Variants in MEOX2 observed in about 807,000 individuals in gnomAD.
The protein encoded by MEOX2 is homeobox protein MOX-2.
A neutral mutation model predicts 27.0 loss-of-function variants in MEOX2; 11 were observed. The ratio of observed to expected loss-of-function variants is 0.41; its 90% confidence interval spans 0.26 to 0.68. MEOX2 has a LOEUF of 0.68. MEOX2 is among the 30% of genes least tolerant of loss of function. MEOX2 has a pLI of 0.33. For synonymous variants in MEOX2, 189 were observed against 155.4 expected (o/e 1.22, Z -1.61); for missense variants, 436 against 385.4 (o/e 1.13, Z -1.10).
rs567533228 is a variant in MEOX2 at position 15,619,598 on chromosome 7, A to G, written c.691-6987T>C. Among the ~76,000 whole-genome samples, 5 of 152,066 alleles carry G rather than the reference A, an allele frequency of 3.3e-5. No homozygotes were observed. In the South Asian group the frequency reaches 6.2e-4, roughly 19 times the overall value. On this transcript the variant is annotated intron_variant, in intron 2 of 2. Transcript: ENST00000262041. ...GCTCATTTTATTTGTGTGTGTGTGT[A>G]TATATACACATATGCAAACACATAC...
intron 2 of MEOX2, among the ~76,000 whole-genome samples, chr7:15,625,344 G>A (rs1232552048): frequency 6.6e-6 from 1 of 152,156 alleles, no homozygotes; most frequent in Non-Finnish European, 1.5e-5. Context: ...AATTTTGTAT[G>A]TGAAGTCTAA....
In MEOX2 at chr7:15,686,179, TG is replaced by T. The variant is rs1554297487; in HGVS notation, c.223del (p.His75ThrfsTer141). 1.3e-6 allele frequency: 2 copies of T among 1,513,360 alleles called. No individual in the cohort carries two copies. Among genetic ancestry groups the T allele is most frequent in the East Asian group, 2.5e-5 (1 of 40,246 alleles). The allele number at this position is 1,513,360 out of a possible 1,614,324, so 93.7% of individuals were successfully genotyped here. On this transcript the variant is annotated frameshift_variant, in exon 1 of 3. Transcript: ENST00000262041. LOFTEE classifies it high-confidence loss of function. ...CTGCTGCTGATGGTGGTGATGGTGG[TG>T]GTGGTGGTGGTGGTGGTGGTGCCCC... is the stretch of plus-strand genomic sequence containing the variant. Reference protein sequence around the residue: ...HRGHHHHHHHHHHHHHQQQQH... With the variant: ...HRGHHHHHHHXHHHHHQQQQH...
At chr7:15,636,606 G>A (rs547615495) in intron 1 of MEOX2, among the ~76,000 whole-genome samples, 1 of 152,090 alleles carries the variant, frequency 6.6e-6, no homozygotes, top group Admixed American at 6.6e-5. Flanking sequence ...CAATTAGAGA[G>A]CATCTGAATC....
At chr7:15,667,102 C>A (rs555334894) in intron 1 of MEOX2, among the ~76,000 whole-genome samples, 1 of 150,546 alleles carries the variant, frequency 6.6e-6, no homozygotes, top group Non-Finnish European at 1.5e-5. Context: ...CCATCCTGGC[C>A]AACAGGGTGA....
chr7:15,628,151 TG>T (rs755767771), intron 1 of MEOX2, among the ~76,000 whole-genome samples: 42 of 152,204 alleles, frequency 2.8e-4, no homozygotes, highest in Middle Eastern at 3.4e-3. Context: ...TTTTAGATTA[TG>T]TTTTTTTTCA....
chr7:15,680,621 A>G (rs886248043), intron 1 of MEOX2: 2 of 151,892 alleles, frequency 1.3e-5, no homozygotes, highest in African/African-American at 4.8e-5. Context: ...TAGTAAAAGA[A>G]ATAGTCATGA....
chr7:15,660,837 C>T (rs1781901726), intron 1 of MEOX2, among the ~76,000 whole-genome samples: 1 of 151,826 alleles, frequency 6.6e-6, no homozygotes, highest in African/African-American at 2.4e-5. Context: ...ACCTGGCCAA[C>T]ATGGTGAAAT....
intron 1 of MEOX2, among the ~76,000 whole-genome samples, chr7:15,677,995 T>G (rs894546185): frequency 2.0e-5 from 3 of 152,296 alleles, no homozygotes; most frequent in Admixed American, 1.3e-4. Context: ...GAAAAATTAT[T>G]TATAATTCCC....
chr7:15,650,971 T>C (rs959665275), intron 1 of MEOX2, among the ~76,000 whole-genome samples: 1 of 151,914 alleles, frequency 6.6e-6, no homozygotes, highest in African/African-American at 2.4e-5. Context: ...TTTACACAAG[T>C]GAACAGAAGA....
chr7:15,641,718 T>G (rs963878092), intron 1 of MEOX2, among the ~76,000 whole-genome samples: 1 of 152,216 alleles, frequency 6.6e-6, no homozygotes, highest in Non-Finnish European at 1.5e-5. Flanking sequence ...CTATAAACTT[T>G]GTATTTTCAT....
chr7:15,643,344 G>A (rs922272658), intron 1 of MEOX2, among the ~76,000 whole-genome samples: 8 of 152,152 alleles, frequency 5.3e-5, no homozygotes, highest in East Asian at 3.9e-4. Flanking sequence ...GCTGGGTGAC[G>A]CTGGGTCAGG....
chr7:15,619,196 C>T (rs537367800), intron 2 of MEOX2, among the ~76,000 whole-genome samples: 2 of 151,876 alleles, frequency 1.3e-5, no homozygotes, highest in Non-Finnish European at 2.9e-5. Flanking sequence ...AAAACTTGCA[C>T]GAGCTTCTCA....
chr7:15,663,507 A>AT lies in MEOX2; in HGVS notation c.517+22378dup, dbSNP rs57602664. Among the ~76,000 whole-genome samples the AT allele has an allele frequency of 4.1e-3, 614 of 148,340 alleles. 2 individuals are homozygous for AT. The highest frequency in any genetic ancestry group is 7.0e-3 in the African/African-American group (283 of 40,324). ...GCCACCACACCCGGCTAATTTTTGT[A>AT]TTTTTTTTTTTTCAGTAGAGATGGG... On this transcript the variant is annotated intron_variant, in intron 1 of 2. Transcript: ENST00000262041.
intron 2 of MEOX2, among the ~76,000 whole-genome samples, chr7:15,621,006 C>T (rs1365617118): frequency 2.0e-5 from 3 of 152,122 alleles, no homozygotes; most frequent in East Asian, 1.9e-4. Flanking sequence ...CTCGTCTTCC[C>T]ACTGTGAGAT....
At chr7:15,615,037 A>T (rs901219613) in intron 2 of MEOX2, among the ~76,000 whole-genome samples, 1 of 152,160 alleles carries the variant, frequency 6.6e-6, no homozygotes, top group African/African-American at 2.4e-5. Flanking sequence ...ACAATAAAAA[A>T]TAAGAAAAAA....
chr7:15,611,774 T>C lies in MEOX2; in HGVS notation c.*613A>G, dbSNP rs1267175838. On this transcript the variant is annotated 3_prime_UTR_variant, in exon 3 of 3. Transcript: ENST00000262041. ...GGCTCTGGTTGTCATTGTGAGTGCC[T>C]ATTTTCATCAGCTAATATGAATGCA... 1.3e-5 allele frequency: 2 copies of C among 153,176 alleles called. No homozygotes were observed. The highest frequency in any genetic ancestry group is 4.8e-5 in the African/African-American group (2 of 41,468). 9.5% of individuals were successfully genotyped at this position (153,176 alleles called of 1,614,324 possible). A position where few individuals can be genotyped will look rare whatever the true frequency, so the allele number is the denominator to read the frequency against.
At chr7:15,661,767 G>A (rs1020275337) in intron 1 of MEOX2, among the ~76,000 whole-genome samples, 1 of 152,098 alleles carries the variant, frequency 6.6e-6, no homozygotes, top group Non-Finnish European at 1.5e-5. Flanking sequence ...AGAAGCGAAC[G>A]TTCAAAACCT....
chr7:15,681,408 G>T (rs868781129), intron 1 of MEOX2: 2 of 151,374 alleles, frequency 1.3e-5, no homozygotes, highest in Non-Finnish European at 3.0e-5. Flanking sequence ...ACATGTAGTG[G>T]GCTTATATAT....
intron 1 of MEOX2, among the ~76,000 whole-genome samples, chr7:15,644,252 C>G (rs1781608547): frequency 6.6e-6 from 1 of 152,124 alleles, no homozygotes; most frequent in Non-Finnish European, 1.5e-5. Context: ...AGCAGTGCCT[C>G]TATATGTTCT....
Sources: allele counts gnomAD v4.1 joint callset (sites outside exome capture counted in the v4.1 genomes callset), GRCh38; gene constraint gnomAD v4.1.1; transcripts MANE v1.5; gene names NCBI Gene and HGNC (gene_info 2026-07-23, HGNC 2026-07-21).